SLC11A1: variants seen among roughly 807,000 people sequenced by gnomAD.
SLC11A1 encodes solute carrier family 11 member 1.
Under a neutral mutation model 63.2 loss-of-function variants are expected in SLC11A1, and 59 were observed. The observed-to-expected ratio is 0.93, with a 90% CI of 0.76 to 1.16. The LOEUF is 1.16. Ranked by LOEUF, SLC11A1 falls within the 50% of genes most tolerant of loss-of-function variation. The pLI, the probability that SLC11A1 is intolerant of heterozygous loss-of-function variation, is 0.00. For missense variants in SLC11A1, 688 were observed against 730.7 expected (o/e 0.94, Z 0.67); for synonymous variants, 305 against 307.8 (o/e 0.99, Z 0.09).
chr2:218,385,600 AG>A, intron 4 of SLC11A1: 1 of 385,502 alleles, frequency 2.6e-6, no homozygotes, highest in Non-Finnish European at 5.1e-6. Context: ...CATGTTGGCC[AG>A]GCTGGTCTCA....
At chr2:218,391,118 C>T in intron 9 of SLC11A1, 80 bp from the exon 10 acceptor site, 1 of 1,271,944 alleles carries the variant, frequency 7.9e-7, no homozygotes, top group African/African-American at 1.5e-5. Flanking sequence ...TTTTGGAACC[C>T]TGGTCAGTGC....
At chr2:218,387,687 C>T (rs2106332232) in intron 7 of SLC11A1, 55 bp downstream of exon 7, 5 of 1,612,326 alleles carry the variant, frequency 3.1e-6, no homozygotes, top group Admixed American at 3.3e-5. Flanking sequence ...ATTCCTCTCC[C>T]TTCCCTCTGG....
Position 218,394,786 on chromosome 2 carries a change from G to C in SLC11A1, c.1542+1G>C, listed in dbSNP as rs755528857. The C allele has an allele frequency of 1.9e-6, 3 of 1,611,842 alleles. No homozygotes were observed. The highest frequency in any genetic ancestry group is 2.7e-5 in the African/African-American group (2 of 74,946). On this transcript the variant is annotated splice_donor_variant, in intron 14 of 14. Coordinates refer to ENST00000233202, the MANE Select transcript of SLC11A1 (RefSeq NM_000578.4). LOFTEE classifies it high-confidence loss of function. ...CTACCTGGGCCTCAGCACCTACCTG[G>C]TACAGTAGGGCCAGGGGATGCCTTG...
intron 2 of SLC11A1, chr2:218,383,575 G>C: frequency 6.5e-6 from 1 of 153,030 alleles, no homozygotes; most frequent in Non-Finnish European, 1.5e-5. Flanking sequence ...CGCTTCCCAA[G>C]TTTAAGCGAT....
Position 218,384,325 on chromosome 2 carries a change from T to C in SLC11A1, c.233T>C (p.Ile78Thr). ...MSIAFLDPGN[I>T]ESDLQAGAVA... ...ATTGCTTTCCTGGACCCAGGAAACA[T>C]CGAGTCAGATCTTCAGGCTGGCGCC... Residue 78 changes from isoleucine to threonine, a missense_variant, in exon 3 of 15, where the codon ATC becomes ACC. Transcript: ENST00000233202. The surrounding 1 kb of genome is among the most constrained non-coding windows in gnomAD (Gnocchi z 4.0). 6.2e-7 allele frequency: 1 copy of C among 1,608,366 alleles called. No homozygotes were observed. The highest frequency in any genetic ancestry group is 8.5e-7 in the Non-Finnish European group (1 of 1,175,960).
At chr2:218,391,042 C>T (rs1335081905) in intron 9 of SLC11A1, among the ~76,000 whole-genome samples, 156 bp from the exon 10 acceptor site, 1 of 152,200 alleles carries the variant, frequency 6.6e-6, no homozygotes, top group East Asian at 1.9e-4. Flanking sequence ...TAAAACAAAA[C>T]AAAACCCAAC....
At chr2:218,393,190 AC>A in intron 12 of SLC11A1, 60 bp downstream of exon 12, 3 of 1,425,238 alleles carry the variant, frequency 2.1e-6, no homozygotes, top group Non-Finnish European at 1.8e-6. Context: ...ACCTCCAGCA[AC>A]CCCCACGCTG....
At position 218,395,325 on chromosome 2, in the gene SLC11A1, GTATT is replaced by G; in HGVS notation, c.*295_*298del. On this transcript the variant is annotated 3_prime_UTR_variant, in exon 15 of 15. Coordinates refer to ENST00000233202, the MANE Select transcript of SLC11A1 (RefSeq NM_000578.4). ...AAACAAACGAAAAACATTTCAAAAG[GTATT>G]TATTGAGCACCTGCAGGCGTGACCT... The G allele has an allele frequency of 2.6e-6, 1 of 378,184 alleles. No individual in the cohort carries two copies. The highest frequency in any genetic ancestry group is 4.9e-6 in the Non-Finnish European group (1 of 204,846). The allele number at this position is 378,184 out of a possible 1,614,324, so 23.4% of individuals were successfully genotyped here. A position where few individuals can be genotyped will look rare whatever the true frequency, so the allele number is the denominator to read the frequency against.
chr2:218,390,592 T>A (rs1048506755), intron 9 of SLC11A1, among the ~76,000 whole-genome samples: 1 of 152,148 alleles, frequency 6.6e-6, no homozygotes, highest in African/African-American at 2.4e-5. Context: ...TGGCCAGGCC[T>A]CCAAGGACCT....
intron 3 of SLC11A1, 74 bp from the exon 4 acceptor site, chr2:218,385,055 CGAGGAGTATGCTTGGTTA>C: frequency 6.4e-7 from 1 of 1,554,868 alleles, no homozygotes; most frequent in Non-Finnish European, 8.7e-7. Flanking sequence ...ACCCCCTCCC[CGAGGAGTATGCTTGGTTA>C]GAGGGTACCA....
chr2:218,383,859 C>G (rs1241558243), intron 2 of SLC11A1: 1 of 158,964 alleles, frequency 6.3e-6, no homozygotes, highest in Non-Finnish European at 1.4e-5. Context: ...CAGCGGACCA[C>G]AGAGAGGAGG....
At chr2:218,390,502 G>C (rs1696365624) in intron 9 of SLC11A1, among the ~76,000 whole-genome samples, 1 of 152,212 alleles carries the variant, frequency 6.6e-6, no homozygotes. Flanking sequence ...CCCCTTCTGA[G>C]TGGATCTCAG....
chr2:218,389,831 AG>A, intron 8 of SLC11A1, 38 bp from the exon 9 acceptor site: 1 of 1,579,610 alleles, frequency 6.3e-7, no homozygotes, highest in Non-Finnish European at 8.6e-7. Context: ...GGTGGCTCTG[AG>A]GGACTTTGGC....
In SLC11A1 at chr2:218,385,069, G is replaced by A. The variant is rs527869845; in HGVS notation, c.274-78G>A. The A allele has an allele frequency of 7.7e-5, 123 of 1,590,352 alleles. No individual in the cohort carries two copies. The Middle Eastern group carries it at 1.5e-3, about 19-fold the overall frequency. ...CACCCCCTCCCCGAGGAGTATGCTT[G>A]GTTAGAGGGTACCACGAGCTCAGGG... is the stretch of plus-strand genomic sequence containing the variant. On this transcript the variant is annotated intron_variant, in intron 3 of 14. Coordinates refer to ENST00000233202, the MANE Select transcript of SLC11A1 (RefSeq NM_000578.4).
chr2:218,387,833 C>T lies in SLC11A1; in HGVS notation c.673C>T (p.Leu225Phe), dbSNP rs1262853227. ...GGCGCGTCCTGAGCAGGGAGCGCTT[C>T]TTCGGGGCCTGTTCCTGCCCTCGTG... ...VVARPEQGALLRGLFLPSCPG... is the reference protein window; with the variant it reads ...VVARPEQGALFRGLFLPSCPG... Residue 225 changes from leucine (L) to phenylalanine (F), a missense_variant, in exon 8 of 15, where the codon CTT becomes TTT. Coordinates refer to ENST00000233202, the MANE Select transcript of SLC11A1 (RefSeq NM_000578.4). The T allele has an allele frequency of 1.2e-6, 2 of 1,603,938 alleles. No individual in the cohort carries two copies. Among genetic ancestry groups the T allele is most frequent in the Non-Finnish European group, 1.7e-6 (2 of 1,175,412 alleles).
In SLC11A1 at chr2:218,393,113, G is replaced by A. The variant is rs773760772; in HGVS notation, c.1297G>A (p.Val433Met). The A allele has an allele frequency of 7.0e-6, 11 of 1,582,544 alleles. No homozygotes were observed. Among genetic ancestry groups the A allele is most frequent in the Middle Eastern group, 1.7e-4 (1 of 5,828 alleles). The change falls in exon 12 of 15, where the codon GTG (valine) becomes ATG (methionine). Residue 433 changes from valine to methionine, a missense_variant. Coordinates refer to ENST00000233202, the MANE Select transcript of SLC11A1 (RefSeq NM_000578.4). ...DLSGLNDLLN[V>M]LQSLLLPFAV... ...GTCGGGCCTCAATGATCTGCTCAAC[G>A]TGCTGCAGAGCCTGCTGGTGAGATG... is the stretch of plus-strand genomic sequence containing the variant.
At chr2:218,385,746 A>G (rs532388251) in intron 4 of SLC11A1, among the ~76,000 whole-genome samples, 20 of 152,298 alleles carry the variant, frequency 1.3e-4, no homozygotes, top group African/African-American at 4.6e-4. Context: ...CACATAGCCT[A>G]GAGGGACATG....
At chr2:218,389,057 C>T (rs1186327150) in intron 8 of SLC11A1, among the ~76,000 whole-genome samples, 6 of 151,750 alleles carry the variant, frequency 4.0e-5, no homozygotes, top group Non-Finnish European at 7.4e-5. Flanking sequence ...CTGCAGTGAG[C>T]TGAGATCCCA....
chr2:218,389,331 G>A (rs1406464767), intron 8 of SLC11A1, among the ~76,000 whole-genome samples: 1 of 151,830 alleles, frequency 6.6e-6, no homozygotes, highest in East Asian at 1.9e-4. Context: ...AAGAGGCCAA[G>A]ACAGGAGAAT....
Sources: gnomAD v4.1 joint callset for allele counts (sites outside exome capture counted in the v4.1 genomes callset) on GRCh38, gnomAD v4.1.1 for gene constraint, Gnocchi (gnomAD v3.1) non-coding constraint, MANE v1.5 for transcripts, NCBI Gene and HGNC (gene_info 2026-07-23, HGNC 2026-07-21) for gene names.